The following SSBP3 variants were observed in gnomAD, a reference collection of about 807,000 sequenced individuals.
SSBP3 encodes the protein single-stranded DNA-binding protein 3.
In SSBP3, 5 loss-of-function variants were observed where a neutral mutation model predicts 69.6. That is an observed-to-expected ratio of 0.07 (90% CI 0.04 to 0.15). SSBP3 has a LOEUF of 0.15. Ranked by LOEUF, SSBP3 falls within the 10% of genes least tolerant of loss-of-function variation. The pLI is 1.00. For missense variants in SSBP3, 312 were observed against 534.0 expected (o/e 0.58, Z 4.10); for synonymous variants, 196 against 193.4 (o/e 1.01, Z -0.11).
At chr1:54,251,923 C>T (rs374858434) in intron 7 of SSBP3, 63 bp from the exon 8 acceptor site, 72 of 1,382,038 alleles carry the variant, frequency 5.2e-5, no homozygotes, top group Non-Finnish European at 6.9e-5. Flanking sequence ...TGGGGACAGG[C>T]ATCTACCTGT....
intron 4 of SSBP3, among the ~76,000 whole-genome samples, chr1:54,399,751 G>A (rs987935880): frequency 1.3e-5 from 2 of 152,138 alleles, no homozygotes; most frequent in Admixed American, 6.5e-5. Context: ...GGAGAGACTA[G>A]ATGAAGACTG....
At chr1:54,378,197 C>T (rs1339677806) in intron 4 of SSBP3, among the ~76,000 whole-genome samples, 1 of 152,154 alleles carries the variant, frequency 6.6e-6, no homozygotes, top group African/African-American at 2.4e-5. Flanking sequence ...CCCAACTTTC[C>T]CATATTCTCA....
At chr1:54,325,930 G>A (rs1356461502) in intron 4 of SSBP3, among the ~76,000 whole-genome samples, 3 of 152,016 alleles carry the variant, frequency 2.0e-5, no homozygotes, top group Non-Finnish European at 1.5e-5. Context: ...TTGTACTCTC[G>A]GGTGGATTTC....
intron 4 of SSBP3, among the ~76,000 whole-genome samples, chr1:54,324,596 G>A (rs144167136): frequency 1.9e-4 from 29 of 152,326 alleles, no homozygotes; most frequent in African/African-American, 7.0e-4. Context: ...AGAGGCCGAG[G>A]AGAGAAGGCC....
chr1:54,262,047 T>A (rs916124640), intron 5 of SSBP3, among the ~76,000 whole-genome samples: 3 of 152,170 alleles, frequency 2.0e-5, no homozygotes, highest in African/African-American at 4.8e-5. Context: ...AAACATCACA[T>A]TCCCATTTGC....
rs538306398 is a variant in SSBP3 at position 54,267,262 on chromosome 1, A to G, written c.367-9113T>C. Among the ~76,000 whole-genome samples, 4 of 152,318 alleles carry G rather than the reference A, an allele frequency of 2.6e-5. No homozygotes were observed. The South Asian group carries it at 8.3e-4, about 32-fold the overall frequency. ...CTCCGTGTATTCCACATGTATCCAT[A>G]CAACAGGGCACTCTTTTCAAGAACA... is the stretch of plus-strand genomic sequence containing the variant. On this transcript the variant is annotated intron_variant, in intron 5 of 17. Coordinates refer to ENST00000610401, the Ensembl canonical transcript of SSBP3.
chr1:54,316,090 A>C lies in SSBP3; in HGVS notation c.277-34563T>G, dbSNP rs562232704. Among the ~76,000 whole-genome samples, 274 of 151,808 alleles carry C rather than the reference A, an allele frequency of 1.8e-3. 1 individual carries two copies. Among genetic ancestry groups the C allele is most frequent in the African/African-American group, 6.1e-3 (253 of 41,384 alleles). ...CTGGGCGCGGTGGCTCACGCCTGTA[A>C]TCCCAGCACTTTGGGAGGCTGAGGC... is the stretch of plus-strand genomic sequence containing the variant. On this transcript the variant is annotated intron_variant, in intron 4 of 17. Transcript: ENST00000610401.
intron 3 of SSBP3, among the ~76,000 whole-genome samples, chr1:54,402,730 C>T (rs1247730365): frequency 6.6e-6 from 1 of 152,178 alleles, no homozygotes; most frequent in Non-Finnish European, 1.5e-5. Context: ...ATGCCTGCCT[C>T]ACCCCCCACT....
chr1:54,228,814 G>A, exon 15 of SSBP3: 1 of 1,611,884 alleles, frequency 6.2e-7, no homozygotes, highest in South Asian at 1.1e-5. Flanking sequence ...TCCGAGCCGG[G>A]ACCCATCGGG....
At chr1:54,241,386 G>T in intron 12 of SSBP3, 88 bp downstream of exon 12, 3 of 1,395,162 alleles carry the variant, frequency 2.2e-6, no homozygotes, top group South Asian at 2.3e-5. Context: ...ATGTGTGAAA[G>T]GGAAAGAAAC....
intron 10 of SSBP3, among the ~76,000 whole-genome samples, chr1:54,242,640 T>C (rs1181590917): frequency 6.6e-6 from 1 of 152,014 alleles, no homozygotes; most frequent in Non-Finnish European, 1.5e-5. Context: ...ACCTCATCTG[T>C]AAGGGGGTTA....
chr1:54,288,469 C>A (rs1435023819), intron 4 of SSBP3, among the ~76,000 whole-genome samples: 1 of 151,954 alleles, frequency 6.6e-6, no homozygotes, highest in African/African-American at 2.4e-5. Context: ...GGTCTTGATA[C>A]CTGAGCTTAT....
intron 4 of SSBP3, among the ~76,000 whole-genome samples, chr1:54,348,899 A>C (rs1324431763): frequency 6.6e-6 from 1 of 152,188 alleles, no homozygotes. Context: ...GGCAAGTCAC[A>C]AAATTAGGCC....
At chr1:54,273,044 G>A (rs1645222862) in intron 5 of SSBP3, among the ~76,000 whole-genome samples, 1 of 152,242 alleles carries the variant, frequency 6.6e-6, no homozygotes, top group African/African-American at 2.4e-5. Context: ...TGGGAGGCCA[G>A]GAGGACGTGG....
In SSBP3 at chr1:54,322,155, C is replaced by G. The variant is rs1395557848; in HGVS notation, c.277-40628G>C. ...GAAGGATCTGGCTTCTCACAAGTCT[C>G]CACAATTTCTCTTGTCCCTTCCTGG... On this transcript the variant is annotated intron_variant, in intron 4 of 17. Coordinates refer to ENST00000610401, the Ensembl canonical transcript of SSBP3. Among the ~76,000 whole-genome samples, 4 of 152,166 alleles carry G rather than the reference C, an allele frequency of 2.6e-5. No homozygotes were observed. In the South Asian group the frequency reaches 8.3e-4, roughly 32 times the overall value.
intron 4 of SSBP3, among the ~76,000 whole-genome samples, chr1:54,366,566 A>G (rs1647032408): frequency 6.6e-6 from 1 of 152,202 alleles, no homozygotes; most frequent in Non-Finnish European, 1.5e-5. Context: ...GACAGGTATC[A>G]ATTCATGTGA....
At chr1:54,347,565 T>G (rs907095635) in intron 4 of SSBP3, among the ~76,000 whole-genome samples, 1 of 152,238 alleles carries the variant, frequency 6.6e-6, no homozygotes, top group Non-Finnish European at 1.5e-5. Flanking sequence ...AAATGCTGGC[T>G]GAACCTGCAG....
At chr1:54,228,146 G>A in intron 17 of SSBP3, 109 bp downstream of exon 17, 2 of 1,007,846 alleles carry the variant, frequency 2.0e-6, no homozygotes, top group South Asian at 1.3e-5. Flanking sequence ...CCATAACACG[G>A]CCACCAGCTT....
intron 4 of SSBP3, among the ~76,000 whole-genome samples, chr1:54,400,046 A>G (rs1246229249): frequency 6.6e-6 from 1 of 152,156 alleles, no homozygotes; most frequent in Non-Finnish European, 1.5e-5. Flanking sequence ...CTAAATGTCA[A>G]CGCCAACCTC....
Sources: allele counts gnomAD v4.1 joint callset (sites outside exome capture counted in the v4.1 genomes callset), GRCh38; gene constraint gnomAD v4.1.1; transcripts MANE v1.5; gene names NCBI Gene and HGNC (gene_info 2026-07-23, HGNC 2026-07-21).